The following KCNJ6 variants were observed in gnomAD, a reference collection of about 807,000 sequenced individuals.
The protein encoded by KCNJ6 is potassium inwardly rectifying channel subfamily J member 6, also known as G protein-activated inward rectifier potassium channel 2.
Under a neutral mutation model 34.2 loss-of-function variants are expected in KCNJ6, and 9 were observed. That is an observed-to-expected ratio of 0.26 (90% CI 0.16 to 0.46). The LOEUF (loss-of-function observed/expected upper bound fraction) is 0.46. KCNJ6 is among the 20% of genes least tolerant of loss of function. KCNJ6 has a pLI of 1.00. For missense variants in KCNJ6, 236 were observed against 531.3 expected (o/e 0.44, Z 5.46); for synonymous variants, 196 against 207.1 (o/e 0.95, Z 0.46).
chr21:37,651,530 G>A (rs983600813), intron 3 of KCNJ6, among the ~76,000 whole-genome samples: 1 of 152,122 alleles, frequency 6.6e-6, no homozygotes, highest in Admixed American at 6.5e-5. Flanking sequence ...CGGGTAGATT[G>A]GAGTGGTCAT....
chr21:37,910,630 G>A (rs1041525777), intron 1 of KCNJ6, among the ~76,000 whole-genome samples: 2 of 152,132 alleles, frequency 1.3e-5, no homozygotes, highest in Admixed American at 6.5e-5. Context: ...GAATAAGACC[G>A]GTGATACATG....
intron 1 of KCNJ6, among the ~76,000 whole-genome samples, chr21:37,863,583 A>T (rs1178044786): frequency 6.6e-6 from 1 of 152,200 alleles, no homozygotes; most frequent in East Asian, 1.9e-4. Context: ...GATATCTACA[A>T]TCGTTTTTGT....
intron 1 of KCNJ6, among the ~76,000 whole-genome samples, chr21:37,869,471 T>C (rs1480602057): frequency 1.3e-5 from 2 of 152,238 alleles, no homozygotes; most frequent in African/African-American, 4.8e-5. Flanking sequence ...CAATAATTCT[T>C]GGATCTGGTT....
chr21:37,693,452 A>G (rs781484108), intron 3 of KCNJ6, among the ~76,000 whole-genome samples: 5 of 152,202 alleles, frequency 3.3e-5, no homozygotes, highest in Non-Finnish European at 7.3e-5. Flanking sequence ...GAACCAGGAA[A>G]TCAAACCCTC....
Position 37,812,291 on chromosome 21 carries a change from G to A in KCNJ6, c.25+28367C>T, listed in dbSNP as rs569090897. Among the ~76,000 whole-genome samples, 27 of 152,216 alleles carry A rather than the reference G, an allele frequency of 1.8e-4. No homozygotes were observed. The South Asian group carries it at 5.6e-3, about 32-fold the overall frequency. Reference sequence around the variant, plus strand: ...GTCCCACCTGGTTGTTCCTCTTAGAGCTGAAAGTGCTGAGGAAGGCAAGGA... The same window carrying A: ...GTCCCACCTGGTTGTTCCTCTTAGAACTGAAAGTGCTGAGGAAGGCAAGGA... On this transcript the variant is annotated intron_variant, in intron 2 of 3. Coordinates refer to ENST00000609713, the MANE Select transcript of KCNJ6 (RefSeq NM_002240.5).
At chr21:37,644,706 C>T (rs1331995665) in intron 3 of KCNJ6, among the ~76,000 whole-genome samples, 4 of 152,264 alleles carry the variant, frequency 2.6e-5, no homozygotes, top group South Asian at 2.1e-4. Context: ...TAATTGTTTA[C>T]GTTCTCATTA....
chr21:37,834,170 A>G (rs2055440509), intron 2 of KCNJ6, among the ~76,000 whole-genome samples: 1 of 152,152 alleles, frequency 6.6e-6, no homozygotes, highest in African/African-American at 2.4e-5. Flanking sequence ...TCCTTCTAAA[A>G]TGCTGATCTT....
intron 2 of KCNJ6, among the ~76,000 whole-genome samples, chr21:37,787,433 T>C (rs1031411889): frequency 6.6e-6 from 1 of 152,190 alleles, no homozygotes; most frequent in Non-Finnish European, 1.5e-5. Flanking sequence ...AATGGGGATC[T>C]CATAATACAT....
chr21:37,768,847 G>A (rs73411823), intron 2 of KCNJ6, among the ~76,000 whole-genome samples: 117 of 152,300 alleles, frequency 7.7e-4, no homozygotes, highest in African/African-American at 2.7e-3. Context: ...ATGGCAAAAC[G>A]TAATTGAATG....
chr21:37,633,299 A>G (rs1441916481), intron 3 of KCNJ6, among the ~76,000 whole-genome samples: 1 of 152,170 alleles, frequency 6.6e-6, no homozygotes, highest in African/African-American at 2.4e-5. Context: ...ACTTCTTAAT[A>G]AACTTTGAAT....
chr21:37,628,627 A>T (rs1245461071), intron 3 of KCNJ6, among the ~76,000 whole-genome samples: 2 of 152,246 alleles, frequency 1.3e-5, no homozygotes, highest in African/African-American at 4.8e-5. Flanking sequence ...TTATGTGAAG[A>T]CGTAATGACT....
Position 37,714,612 on chromosome 21 carries a change from T to C in KCNJ6, c.545A>G (p.Asn182Ser). 6.2e-7 allele frequency: 1 copy of C among 1,614,140 alleles called. No homozygotes were observed. The change falls in exon 3 of 4, where the codon AAT becomes AGT. Residue 182 changes from asparagine to serine, a missense_variant. Around this residue, in one of 5 missense-constraint regions of KCNJ6, gnomAD observed 68 missense variants for 165.7 expected, o/e 0.41. Coordinates refer to ENST00000609713, the MANE Select transcript of KCNJ6 (RefSeq NM_002240.5). The surrounding 1 kb of genome is among the most constrained non-coding windows in gnomAD (Gnocchi z 5.9). Reference sequence around the variant, plus strand: ...AAACATGCATCCCACCATGAATGCATTGACAATGGACCCCAACACAGATTG... The same window carrying C: ...AAACATGCATCCCACCATGAATGCACTGACAATGGACCCCAACACAGATTG... ...LIQSVLGSIV[N>S]AFMVGCMFVK...
At chr21:37,817,076 T>C (rs1568859446) in intron 2 of KCNJ6, among the ~76,000 whole-genome samples, 1 of 152,236 alleles carries the variant, frequency 6.6e-6, no homozygotes, top group Non-Finnish European at 1.5e-5. Flanking sequence ...TTTACTTCTC[T>C]GTGTCTCTGT....
At chr21:37,765,350 G>T (rs1369267691) in intron 2 of KCNJ6, among the ~76,000 whole-genome samples, 1 of 152,194 alleles carries the variant, frequency 6.6e-6, no homozygotes, top group Non-Finnish European at 1.5e-5. Context: ...TTCTGTCGAT[G>T]ATCAAGATCA....
intron 3 of KCNJ6, among the ~76,000 whole-genome samples, chr21:37,683,499 C>G (rs1174148848): frequency 1.3e-5 from 2 of 152,196 alleles, no homozygotes; most frequent in Non-Finnish European, 2.9e-5. Context: ...TTCTTTAAGC[C>G]CACTGGCTTC....
intron 2 of KCNJ6, among the ~76,000 whole-genome samples, chr21:37,721,067 C>T (rs2123458633): frequency 6.6e-6 from 1 of 152,260 alleles, no homozygotes; most frequent in East Asian, 1.9e-4. Context: ...ATATAAAGAA[C>T]TCTTACACCT....
intron 1 of KCNJ6, among the ~76,000 whole-genome samples, chr21:37,901,026 C>T (rs1250673951): frequency 6.6e-6 from 1 of 150,648 alleles, no homozygotes; most frequent in Non-Finnish European, 1.5e-5. Context: ...TCCTTCTCTC[C>T]TTCCTGCCTT....
intron 2 of KCNJ6, among the ~76,000 whole-genome samples, chr21:37,792,587 A>G (rs1300781749): frequency 6.6e-6 from 1 of 152,164 alleles, no homozygotes; most frequent in Admixed American, 6.5e-5. Flanking sequence ...AGCAACTACT[A>G]TATGCTAAGG....
chr21:37,780,882 T>A (rs951617868), intron 2 of KCNJ6, among the ~76,000 whole-genome samples: 1 of 152,100 alleles, frequency 6.6e-6, no homozygotes. Context: ...CATTAAAAAT[T>A]AAAATAAAAA....
Sources: gnomAD v4.1 joint callset for allele counts (sites outside exome capture counted in the v4.1 genomes callset) on GRCh38, gnomAD v4.1.1 for gene constraint, gnomAD v4.1.1 regional missense constraint, Gnocchi (gnomAD v3.1) non-coding constraint, MANE v1.5 for transcripts, NCBI Gene and HGNC (gene_info 2026-07-23, HGNC 2026-07-21) for gene names.